B3GALT1: variants seen among roughly 807,000 people sequenced by gnomAD.
B3GALT1 encodes beta-1,3-galactosyltransferase 1, also known as UDP-Gal:betaGlcNAc beta 1,3-galactosyltransferase, polypeptide 1.
B3GALT1 carries 10 observed loss-of-function variants against 23.2 expected under a neutral mutation model. That is an observed-to-expected ratio of 0.43 (90% CI 0.27 to 0.73). B3GALT1 has a LOEUF of 0.73. B3GALT1 is among the 30% of genes least tolerant of loss of function. The probability of loss-of-function intolerance (pLI) is 0.21; values close to 1 mark genes in which losing one functional copy is unlikely to be tolerated. For missense variants in B3GALT1, 299 were observed against 405.4 expected (o/e 0.74, Z 2.25); for synonymous variants, 156 against 141.5 (o/e 1.10, Z -0.73).
intron 2 of B3GALT1, among the ~76,000 whole-genome samples, chr2:167,590,036 T>G (rs2105414786): frequency 6.6e-6 from 1 of 152,232 alleles, no homozygotes; most frequent in Non-Finnish European, 1.5e-5. Context: ...CTAACCACCT[T>G]ACATCCTGTT....
At chr2:167,846,673 TAA>T (rs1416254683) in intron 4 of B3GALT1, among the ~76,000 whole-genome samples, 1 of 151,898 alleles carries the variant, frequency 6.6e-6, no homozygotes, top group Non-Finnish European at 1.5e-5. Context: ...ACAGGACCTA[TAA>T]AACAAAAATA....
At chr2:167,486,459 C>T (rs952903781) in intron 1 of B3GALT1, among the ~76,000 whole-genome samples, 2 of 151,814 alleles carry the variant, frequency 1.3e-5, no homozygotes, top group African/African-American at 4.8e-5. Context: ...CACAGTGGCT[C>T]ATGCCTGCCC....
chr2:167,386,594 G>A (rs1697932461), intron 1 of B3GALT1, among the ~76,000 whole-genome samples: 1 of 151,878 alleles, frequency 6.6e-6, no homozygotes, highest in South Asian at 2.1e-4. Context: ...ATACTATACT[G>A]GATTATAAAT....
At chr2:167,556,881 C>G (rs962564162) in intron 2 of B3GALT1, among the ~76,000 whole-genome samples, 1 of 152,074 alleles carries the variant, frequency 6.6e-6, no homozygotes, top group African/African-American at 2.4e-5. Flanking sequence ...TTATTTCTCA[C>G]AATAAACCTA....
At chr2:167,797,622 G>A (rs10190098) in intron 3 of B3GALT1, among the ~76,000 whole-genome samples, 18,062 of 151,946 alleles carry the variant, frequency 0.12, 2,365 homozygotes, top group East Asian at 0.3. Flanking sequence ...CTTTTTCTTC[G>A]CAACCTCACC....
At chr2:167,542,392 G>A (rs184590587) in intron 2 of B3GALT1, among the ~76,000 whole-genome samples, 368 of 152,204 alleles carry the variant, frequency 2.4e-3, no homozygotes, top group Non-Finnish European at 3.3e-3. Flanking sequence ...TTTGCTACAT[G>A]CTTATTCTGT....
intron 1 of B3GALT1, among the ~76,000 whole-genome samples, chr2:167,334,725 G>A (rs1237734369): frequency 6.6e-6 from 1 of 152,172 alleles, no homozygotes; most frequent in Non-Finnish European, 1.5e-5. Flanking sequence ...AACTAGGCAA[G>A]ATATGGTGAA....
chr2:167,843,610 C>T (rs183655457), intron 4 of B3GALT1, among the ~76,000 whole-genome samples: 69 of 152,294 alleles, frequency 4.5e-4, no homozygotes, highest in Admixed American at 2.0e-3. Flanking sequence ...ACCAGGAAGA[C>T]TTCAAACCAA....
chr2:167,436,483 C>T (rs539917503), intron 1 of B3GALT1, among the ~76,000 whole-genome samples: 61 of 152,218 alleles, frequency 4.0e-4, no homozygotes, highest in African/African-American at 1.3e-3. Context: ...ATCCCCTTAC[C>T]CTGATTGAAT....
chr2:167,864,271 G>A (rs1690166012), intron 4 of B3GALT1, among the ~76,000 whole-genome samples: 1 of 152,180 alleles, frequency 6.6e-6, no homozygotes, highest in African/African-American at 2.4e-5. Context: ...AAATGCATGA[G>A]GACAGGAGTG....
intron 1 of B3GALT1, among the ~76,000 whole-genome samples, chr2:167,379,512 C>T (rs1697813915): frequency 6.6e-6 from 1 of 152,094 alleles, no homozygotes; most frequent in South Asian, 2.1e-4. Context: ...CAGCCGTGTG[C>T]ACTTCTCTTG....
intron 2 of B3GALT1, among the ~76,000 whole-genome samples, chr2:167,642,186 C>T (rs1448350564): frequency 5.9e-5 from 9 of 152,156 alleles, no homozygotes; most frequent in South Asian, 2.1e-4. Context: ...TTTTCAACTA[C>T]TCCCTGGGTT....
rs186097753 is a variant in B3GALT1 at position 167,711,029 on chromosome 2, T to A, written c.-352+64063T>A. ...TCTGCCTACAAGGCCCTATGTAAGA[T>A]GATCCCTCTCTCCCCACTCAAACTC... On this transcript the variant is annotated intron_variant, in intron 3 of 4. Transcript: ENST00000392690. Among the ~76,000 whole-genome samples, 9 of 152,270 alleles carry A rather than the reference T, an allele frequency of 5.9e-5. No individual in the cohort carries two copies. In the East Asian group the frequency reaches 1.7e-3, roughly 29 times the overall value.
Position 167,869,339 on chromosome 2 carries a change from G to C in B3GALT1, c.300G>C (p.Thr100=), listed in dbSNP as rs754037618. ...ATGCCCGTCAGGCAATCAGAGAGAC[G>C]TGGGGGGATGAGAACAACTTTAAGG... is the stretch of plus-strand genomic sequence containing the variant. ...EFDARQAIRE[T]WGDENNFKGI... The change falls in exon 5 of 5, where the codon ACG becomes ACC. Residue 100 remains threonine (T), a synonymous_variant. Coordinates refer to ENST00000392690, the MANE Select transcript of B3GALT1 (RefSeq NM_020981.4). The surrounding 1 kb of genome is among the most constrained non-coding windows in gnomAD (Gnocchi z 6.4). 10 of 1,614,134 alleles carry C rather than the reference G, an allele frequency of 6.2e-6. No individual in the cohort carries two copies. In the South Asian group the frequency reaches 9.9e-5, roughly 16 times the overall value.
intron 3 of B3GALT1, among the ~76,000 whole-genome samples, chr2:167,768,163 A>T (rs994403745): frequency 1.3e-5 from 2 of 152,220 alleles, no homozygotes; most frequent in African/African-American, 4.8e-5. Flanking sequence ...CCTTACAGAC[A>T]CATCCAAAAA....
chr2:167,586,431 C>A (rs1279078651), intron 2 of B3GALT1, among the ~76,000 whole-genome samples: 4 of 152,132 alleles, frequency 2.6e-5, no homozygotes, highest in African/African-American at 9.7e-5. Flanking sequence ...TCCCGAGTAG[C>A]CGGGACTACA....
chr2:167,742,837 C>T (rs190253551), intron 3 of B3GALT1, among the ~76,000 whole-genome samples: 166 of 152,094 alleles, frequency 1.1e-3, no homozygotes, highest in South Asian at 1.9e-3. Flanking sequence ...TACCATTGTG[C>T]CTTTCTTCTG....
chr2:167,774,497 GTTTT>G (rs397986581), intron 3 of B3GALT1, among the ~76,000 whole-genome samples: 4 of 82,992 alleles, frequency 4.8e-5, no homozygotes, highest in African/African-American at 1.4e-4. Context: ...TTTTTTTTTT[GTTTT>G]TTTTTTTTTT....
At chr2:167,461,657 A>G (rs972462824) in intron 1 of B3GALT1, among the ~76,000 whole-genome samples, 2 of 152,214 alleles carry the variant, frequency 1.3e-5, no homozygotes, top group African/African-American at 4.8e-5. Flanking sequence ...CATTATGTTT[A>G]GTCAAATGAA....
Sources: gnomAD v4.1 joint callset for allele counts (sites outside exome capture counted in the v4.1 genomes callset) on GRCh38, gnomAD v4.1.1 for gene constraint, Gnocchi (gnomAD v3.1) non-coding constraint, MANE v1.5 for transcripts, NCBI Gene and HGNC (gene_info 2026-07-23, HGNC 2026-07-21) for gene names.